Variants in DNAAF5 observed in about 807,000 individuals in gnomAD.
The protein encoded by DNAAF5 is HEAT repeat containing 2.
A neutral mutation model predicts 75.8 loss-of-function variants in DNAAF5; 64 were observed. That is an observed-to-expected ratio of 0.84 (90% confidence interval 0.69 to 1.04). The LOEUF (loss-of-function observed/expected upper bound fraction) is 1.04. Ranked by LOEUF, DNAAF5 falls within the 50% of genes least tolerant of loss-of-function variation. The pLI, the probability that DNAAF5 is intolerant of heterozygous loss-of-function variation, is 0.00. For synonymous variants in DNAAF5, 657 were observed against 557.2 expected (o/e 1.18, Z -2.52); for missense variants, 1,269 against 1,178.5 (o/e 1.08, Z -1.12).
intron 1 of DNAAF5, among the ~76,000 whole-genome samples, chr7:728,618 CA>C (rs1181322498): frequency 1.3e-5 from 2 of 152,226 alleles, no homozygotes; most frequent in East Asian, 3.8e-4. Flanking sequence ...ATTTCTTCTT[CA>C]TCCTCAACCA....
chr7:732,777 C>T (rs980249063), intron 2 of DNAAF5, among the ~76,000 whole-genome samples: 3 of 152,192 alleles, frequency 2.0e-5, no homozygotes, highest in African/African-American at 4.8e-5. Context: ...TTGCTCCCAT[C>T]CTGTGGGTTG....
intron 6 of DNAAF5, 27 bp downstream of exon 6, chr7:757,021 T>C: frequency 1.3e-6 from 2 of 1,581,844 alleles, no homozygotes; most frequent in Non-Finnish European, 1.7e-6. Flanking sequence ...GATGCGGGAG[T>C]GGAGAGGAGG....
intron 8 of DNAAF5, among the ~76,000 whole-genome samples, chr7:768,010 G>T (rs1204927112): frequency 1.3e-5 from 2 of 151,488 alleles, no homozygotes; most frequent in Non-Finnish European, 2.9e-5. Context: ...CCGGGCGGAA[G>T]TGTCCTTGCA....
intron 12 of DNAAF5, among the ~76,000 whole-genome samples, chr7:783,845 C>A (rs780010590): frequency 1.3e-5 from 2 of 152,182 alleles, no homozygotes; most frequent in Non-Finnish European, 2.9e-5. Context: ...CACTCGTCCT[C>A]AGGACCTTGC....
chr7:777,503 G>A (rs931026268), intron 11 of DNAAF5, among the ~76,000 whole-genome samples: 4 of 151,882 alleles, frequency 2.6e-5, no homozygotes, highest in African/African-American at 7.2e-5. Flanking sequence ...TGGGAAGTCC[G>A]GAGTGACACG....
intron 4 of DNAAF5, among the ~76,000 whole-genome samples, chr7:743,227 T>G (rs1781970517): frequency 6.6e-6 from 1 of 151,888 alleles, no homozygotes; most frequent in Non-Finnish European, 1.5e-5. Flanking sequence ...ACAAAACAAA[T>G]TAGCTGGGCG....
chr7:776,407 A>G (rs991984537), intron 11 of DNAAF5, among the ~76,000 whole-genome samples: 1 of 152,252 alleles, frequency 6.6e-6, no homozygotes, highest in African/African-American at 2.4e-5. Context: ...ACAAACAGCA[A>G]TGACAGATGA....
intron 12 of DNAAF5, among the ~76,000 whole-genome samples, chr7:784,660 G>A (rs908416600): frequency 4.6e-5 from 7 of 152,206 alleles, no homozygotes; most frequent in South Asian, 2.1e-4. Context: ...TGAACCCTCC[G>A]TAAGCATGGG....
At chr7:745,562 C>T (rs7786085) in intron 4 of DNAAF5, among the ~76,000 whole-genome samples, 3,024 of 152,246 alleles carry the variant, frequency 0.02, 41 homozygotes, top group Middle Eastern at 0.031. Flanking sequence ...CACACATCCT[C>T]GCACATGTGC....
At chr7:730,391 C>T (rs543725452) in intron 2 of DNAAF5, among the ~76,000 whole-genome samples, 34 of 152,300 alleles carry the variant, frequency 2.2e-4, no homozygotes, top group Non-Finnish European at 1.0e-4. Flanking sequence ...TAAAATGCTA[C>T]ACACTGTGGC....
chr7:781,320 T>C (rs575689275), intron 12 of DNAAF5, among the ~76,000 whole-genome samples: 3 of 152,354 alleles, frequency 2.0e-5, no homozygotes, highest in African/African-American at 7.2e-5. Flanking sequence ...CATAGCGACC[T>C]CCACTTCCCT....
intron 8 of DNAAF5, among the ~76,000 whole-genome samples, chr7:765,494 C>A (rs535840718): frequency 8.5e-5 from 13 of 152,268 alleles, no homozygotes; most frequent in African/African-American, 2.9e-4. Flanking sequence ...TGCAGTGAAG[C>A]CAGGACTTGC....
At chr7:744,802 C>G (rs1161409768) in intron 4 of DNAAF5, among the ~76,000 whole-genome samples, 4 of 152,094 alleles carry the variant, frequency 2.6e-5, no homozygotes, top group Non-Finnish European at 4.4e-5. Flanking sequence ...AGGGTTTCGC[C>G]ATGTTGGTCA....
intron 2 of DNAAF5, among the ~76,000 whole-genome samples, chr7:735,503 A>C (rs189968322): frequency 7.0e-6 from 1 of 142,424 alleles, no homozygotes; most frequent in African/African-American, 2.7e-5. Context: ...CTCATATTGT[A>C]GTTGCTGATA....
At chr7:768,866 T>C in intron 8 of DNAAF5, 1 of 442,776 alleles carries the variant, frequency 2.3e-6, no homozygotes, top group South Asian at 4.1e-5. Context: ...CAGTTTAAGA[T>C]GTAGAGAGGG....
At chr7:753,180 G>T (rs745765877) in intron 4 of DNAAF5, among the ~76,000 whole-genome samples, 7 of 152,196 alleles carry the variant, frequency 4.6e-5, no homozygotes, top group Non-Finnish European at 8.8e-5. Flanking sequence ...GCTGGTATTT[G>T]TCCCGGCACA....
chr7:774,818 C>T (rs1778703839), intron 10 of DNAAF5, among the ~76,000 whole-genome samples, 188 bp from the exon 11 acceptor site: 1 of 152,184 alleles, frequency 6.6e-6, no homozygotes, highest in Non-Finnish European at 1.5e-5. Flanking sequence ...TGCGTATTTT[C>T]TAAAAATCAA....
At position 765,404 on chromosome 7, in the gene DNAAF5, A is replaced by C. The variant is rs557881205; in HGVS notation, c.1783+1430A>C. Among the ~76,000 whole-genome samples the C allele has an allele frequency of 7.9e-5, 12 of 152,308 alleles. No individual in the cohort carries two copies. In the East Asian group the frequency reaches 2.1e-3, roughly 27 times the overall value. ...AGATTTTTACTGAATGTTACTCCTA[A>C]CAACCTCTTGCACCAAATTACTCCA... On this transcript the variant is annotated intron_variant, in intron 8 of 12. Transcript: ENST00000297440.
chr7:772,584 G>A (rs1394746714), intron 9 of DNAAF5: 1 of 152,224 alleles, frequency 6.6e-6, no homozygotes, highest in Non-Finnish European at 1.5e-5. Context: ...ACCAGCCGCT[G>A]GGCCCCTCGT....
Sources: allele counts gnomAD v4.1 joint callset (sites outside exome capture counted in the v4.1 genomes callset), GRCh38; gene constraint gnomAD v4.1.1; transcripts MANE v1.5; gene names NCBI Gene and HGNC (gene_info 2026-07-23, HGNC 2026-07-21).